GSE1: variants seen among roughly 807,000 people sequenced by gnomAD.
GSE1 encodes the protein genetic suppressor element 1.
A neutral mutation model predicts 112.6 loss-of-function variants in GSE1; 32 were observed. The observed-to-expected ratio is 0.28, with a 90% CI of 0.21 to 0.38. GSE1 has a LOEUF of 0.38. GSE1 is among the 10% of genes least tolerant of loss of function. The pLI, the probability that GSE1 is intolerant of heterozygous loss-of-function variation, is 1.00. For synonymous variants in GSE1, 1,115 were observed against 735.6 expected, an observed-to-expected ratio of 1.52 and a Z score of -8.35; for missense variants, 2,348 against 1,699.2, an observed-to-expected ratio of 1.38 and a Z score of -6.71.
chr16:85,320,590 C>T (rs1401157852), intron 1 of GSE1, among the ~76,000 whole-genome samples: 2 of 152,142 alleles, frequency 1.3e-5, no homozygotes, highest in African/African-American at 2.4e-5. Flanking sequence ...CCACCACGCC[C>T]GGCCTGTATC....
At chr16:85,417,358 C>G (rs1270736348) in intron 2 of GSE1, among the ~76,000 whole-genome samples, 1 of 152,208 alleles carries the variant, frequency 6.6e-6, no homozygotes, top group East Asian at 1.9e-4. Context: ...CGGCTGACCA[C>G]CTGCACAGCC....
chr16:85,395,976 C>G (rs534555523), intron 2 of GSE1, among the ~76,000 whole-genome samples: 3 of 152,360 alleles, frequency 2.0e-5, no homozygotes, highest in African/African-American at 4.8e-5. Flanking sequence ...CTGGTATGTC[C>G]TCTGAGTTTC....
At chr16:85,590,049 C>G (rs1231898531) in intron 1 of GSE1, among the ~76,000 whole-genome samples, 1 of 151,868 alleles carries the variant, frequency 6.6e-6, no homozygotes, top group Non-Finnish European at 1.5e-5. Flanking sequence ...AATGTGTGAA[C>G]TGTGTGTTTA....
chr16:85,577,686 C>G (rs1473729889), intron 1 of GSE1, among the ~76,000 whole-genome samples: 1 of 152,128 alleles, frequency 6.6e-6, no homozygotes, highest in Non-Finnish European at 1.5e-5. Flanking sequence ...GATCACCCAT[C>G]CTAGGAAGGG....
intron 1 of GSE1, among the ~76,000 whole-genome samples, chr16:85,229,510 C>T (rs143177651): frequency 6.6e-5 from 10 of 152,340 alleles, no homozygotes; most frequent in East Asian, 3.9e-4. Context: ...TGCCATGCAC[C>T]GTGCTAAGTG....
chr16:85,558,408 C>T (rs185753189), intron 1 of GSE1, among the ~76,000 whole-genome samples: 288 of 152,348 alleles, frequency 1.9e-3, no homozygotes, highest in Non-Finnish European at 3.6e-3. Context: ...GTAATCTACA[C>T]CCCTCTTCAC....
chr16:85,404,684 A>G (rs1456717253), intron 2 of GSE1, among the ~76,000 whole-genome samples: 3 of 40,198 alleles, frequency 7.5e-5, no homozygotes, highest in Non-Finnish European at 1.2e-4. Context: ...CCTCACTGTT[A>G]CACTCAGGCC....
In GSE1 at chr16:85,666,211, G is replaced by C. The variant is rs1318426117; in HGVS notation, c.2994G>C (p.Lys998Asn). ...ACTATATCCGGGGCGCTGCACCCAAGGACATTCCTGTGCCGCTGTCCCACA... is the reference window on the plus strand; with the variant it reads ...ACTATATCCGGGGCGCTGCACCCAACGACATTCCTGTGCCGCTGTCCCACA... ...MLHYIRGAAP[K>N]DIPVPLSHST... The change falls in exon 13 of 16, where the codon AAG becomes AAC. Residue 998 changes from lysine to asparagine, a missense_variant. By Grantham distance (94) the Lys-to-Asn change is moderately conservative. Coordinates refer to ENST00000253458, the MANE Select transcript of GSE1 (RefSeq NM_014615.5). 1 of 1,613,702 alleles carries C rather than the reference G, an allele frequency of 6.2e-7. No homozygotes were observed. The highest frequency in any genetic ancestry group is 1.3e-5 in the African/African-American group (1 of 75,058).
intron 2 of GSE1, among the ~76,000 whole-genome samples, chr16:85,413,038 T>G (rs549971230): frequency 1.3e-5 from 2 of 152,292 alleles, no homozygotes; most frequent in African/African-American, 4.8e-5. Context: ...TTCTGGAAGG[T>G]TCCGTGCTGC....
At chr16:85,649,933 G>A (rs1419057101) in intron 3 of GSE1, among the ~76,000 whole-genome samples, 4 of 152,138 alleles carry the variant, frequency 2.6e-5, no homozygotes, top group Non-Finnish European at 5.9e-5. Context: ...GACAGCCCCC[G>A]GGCAGGCCCT....
At chr16:85,535,570 G>T (rs558474322) in intron 2 of GSE1, among the ~76,000 whole-genome samples, 11 of 152,340 alleles carry the variant, frequency 7.2e-5, no homozygotes, top group African/African-American at 2.4e-4. Flanking sequence ...CAAAGCCACC[G>T]CGGCCCTCTG....
rs912609424 is a variant in GSE1 at position 85,277,447 on chromosome 16, C to T, written c.2284-80016C>T. ...GGTCTGGTGGGGCCTGTCCCTTGGG[C>T]GGCTGGTGGGCACAGGGCAAGCCTG... is the stretch of plus-strand genomic sequence containing the variant. On this transcript the variant is annotated intron_variant, in intron 1 of 2. Transcript: ENST00000637419. Among the ~76,000 whole-genome samples, 20 of 152,104 alleles carry T rather than the reference C, an allele frequency of 1.3e-4. No homozygotes were observed. In the East Asian group the frequency reaches 3.5e-3, roughly 26 times the overall value.
At chr16:85,367,844 CTTTTT>C (rs5818532) in intron 2 of GSE1, among the ~76,000 whole-genome samples, 1 of 115,008 alleles carries the variant, frequency 8.7e-6, no homozygotes, top group East Asian at 2.7e-4. Context: ...AAATAAGATT[CTTTTT>C]TTTTTTTTTT....
intron 2 of GSE1, among the ~76,000 whole-genome samples, chr16:85,482,493 A>T (rs2050710739): frequency 3.6e-5 from 4 of 111,560 alleles, no homozygotes; most frequent in African/African-American, 1.4e-4. Flanking sequence ...CCTCCACGTG[A>T]CTCAGTTCCC....
intron 1 of GSE1, among the ~76,000 whole-genome samples, chr16:85,206,556 AGCCAGGTGGG>A (rs1361670749): frequency 6.6e-6 from 1 of 152,090 alleles, no homozygotes; most frequent in Admixed American, 6.5e-5. Flanking sequence ...TCCAGCTGCA[AGCCAGGTGGG>A]GCTTGGCATG....
At position 85,560,064 on chromosome 16, in the gene GSE1, G is replaced by T. The variant is rs1215387750; in HGVS notation, c.37+3701G>T. ...TAATAATAATTCTTATTTTGTCACG[G>T]TCATTATTGTTATTGAGGTAGAATT... On this transcript the variant is annotated intron_variant, in intron 1 of 2. Coordinates refer to the GSE1 transcript ENST00000635906. 4.0e-5 allele frequency among the ~76,000 whole-genome samples: 6 copies of T among 151,090 alleles called. 1 individual carries two copies. The highest frequency in any genetic ancestry group is 1.9e-4 in the East Asian group (1 of 5,156).
At chr16:85,463,192 G>A (rs1477518733) in intron 2 of GSE1, 5 of 824,992 alleles carry the variant, frequency 6.1e-6, no homozygotes, top group Non-Finnish European at 7.3e-6. Flanking sequence ...TTTCTGGGGC[G>A]CGCCACCCAC....
chr16:85,280,309 A>G (rs1396161252), intron 1 of GSE1, among the ~76,000 whole-genome samples: 2 of 152,166 alleles, frequency 1.3e-5, no homozygotes, highest in Non-Finnish European at 2.9e-5. Flanking sequence ...TCTCTGGCCA[A>G]GGCCCCATCC....
At chr16:85,290,201 C>T (rs1227915226) in intron 1 of GSE1, among the ~76,000 whole-genome samples, 2 of 152,332 alleles carry the variant, frequency 1.3e-5, no homozygotes, top group Admixed American at 1.3e-4. Flanking sequence ...CTCCTGAGGG[C>T]AGCCTTCCTG....
Sources: gnomAD v4.1 joint callset for allele counts (sites outside exome capture counted in the v4.1 genomes callset) on GRCh38, gnomAD v4.1.1 for gene constraint, MANE v1.5 for transcripts, NCBI Gene and HGNC (gene_info 2026-07-23, HGNC 2026-07-21) for gene names.